The following MEX3D variants were observed in gnomAD, a reference collection of about 807,000 sequenced individuals.
MEX3D encodes the protein mex-3 RNA binding family member D, also known as RNA-binding protein MEX3D.
A neutral mutation model predicts 6.3 loss-of-function variants in MEX3D; 4 were observed. The ratio of observed to expected loss-of-function variants is 0.64; its 90% CI spans 0.31 to 1.46. The LOEUF is 1.46. Among genes scored for constraint, MEX3D ranks in the 40% most tolerant of loss-of-function variants. The probability of loss-of-function intolerance (pLI) is 0.07; values close to 1 mark genes in which losing one functional copy is unlikely to be tolerated. For synonymous variants in MEX3D, 626 were observed against 494.1 expected, an observed-to-expected ratio of 1.27 and a Z score of -3.54; for missense variants, 1,038 against 994.4, an observed-to-expected ratio of 1.04 and a Z score of -0.59.
rs60636488 is a variant in MEX3D, at chr19:1,554,913, T to TA, written c.*649dup. ...ATACACAAGAGGTAAAAAGTAAAAG[T>TA]AAAAAAAAAAAAAAATTAAAAAAAT... On this transcript the variant is annotated 3_prime_UTR_variant, in exon 2 of 2. Coordinates refer to ENST00000402693, the MANE Select transcript of MEX3D (RefSeq NM_203304.4). 0.96 allele frequency: 135,912 copies of TA among 141,078 alleles called. 65,471 individuals carry two copies. The highest frequency in any genetic ancestry group is 0.99 in the South Asian group (4,454 of 4,494). The allele number at this position is 141,078 out of a possible 1,614,324, so 8.7% of individuals were successfully genotyped here.
At position 1,556,846 on chromosome 19, in the gene MEX3D, T is replaced by G. The variant is rs1044287883; in HGVS notation, c.673A>C (p.Ile225Leu). The change falls in exon 2 of 2, where the codon ATC becomes CTC. Residue 225 changes from isoleucine (I) to leucine (L), a missense_variant. By Grantham distance (5) the Ile-to-Leu change is conservative (BLOSUM62 2). Transcript: ENST00000402693. The surrounding 1 kb of genome is among the most constrained non-coding windows in gnomAD (Gnocchi z 7.5). ...TPVRGEEPVF[I>L]VTGRKEDVEM... Reference sequence around the variant, plus strand: ...ACGTCCTCCTTCCGGCCGGTCACGATGAAGACCGGCTCCTCGCCCCGCACT... The same window carrying G: ...ACGTCCTCCTTCCGGCCGGTCACGAGGAAGACCGGCTCCTCGCCCCGCACT... The G allele has an allele frequency of 1.2e-6, 2 of 1,612,474 alleles. No homozygotes were observed. The highest frequency in any genetic ancestry group is 1.3e-5 in the African/African-American group (1 of 74,938).
At chr19:1,566,947 T>G (rs1459990806) in intron 1 of MEX3D, among the ~76,000 whole-genome samples, 1 of 152,108 alleles carries the variant, frequency 6.6e-6, no homozygotes, top group Non-Finnish European at 1.5e-5. Flanking sequence ...GACCCTCTCC[T>G]GCCCGGTCCC....
Position 1,555,435 on chromosome 19 carries a change from A to ACCCCCCCTGCCCCCAC in MEX3D, c.*127_*128insGTGGGGGCAGGGGGGG. ...CATCTGTAAACACTGGCCGCCGCCC[A>ACCCCCCCTGCCCCCAC]CCCCCCTGCCCCCTCGGCCTCCGCC... is the stretch of plus-strand genomic sequence containing the variant. On this transcript the variant is annotated 3_prime_UTR_variant, in exon 2 of 2. Coordinates refer to ENST00000402693, the MANE Select transcript of MEX3D (RefSeq NM_203304.4). 1.0e-6 allele frequency: 1 copy of ACCCCCCCTGCCCCCAC among 973,232 alleles called. No homozygotes were observed. Among genetic ancestry groups the ACCCCCCCTGCCCCCAC allele is most frequent in the Non-Finnish European group, 1.4e-6 (1 of 691,110 alleles). The allele number at this position is 973,232 out of a possible 1,614,324, so 60.3% of individuals were successfully genotyped here.
Position 1,568,103 on chromosome 19 carries a change from C to T in MEX3D, c.-45G>A, listed in dbSNP as rs1914903223. ...GCCCGCGCTCCTGCCGCCCGCGCCG[C>T]CGCCGCCGCCCGCGCCGCCCTCCGC... On this transcript the variant is annotated 5_prime_UTR_variant, in exon 1 of 2. Coordinates refer to ENST00000402693, the MANE Select transcript of MEX3D (RefSeq NM_203304.4). 5.1e-6 allele frequency: 5 copies of T among 978,636 alleles called. No individual in the cohort carries two copies. Among genetic ancestry groups the T allele is most frequent in the African/African-American group, 1.8e-5 (1 of 55,870 alleles). The allele number at this position is 978,636 out of a possible 1,614,324, so 60.6% of individuals were successfully genotyped here. A position where few individuals can be genotyped will look rare whatever the true frequency, so the allele number is the denominator to read the frequency against.
chr19:1,560,713 C>T (rs1404336089), intron 1 of MEX3D, among the ~76,000 whole-genome samples: 2 of 152,194 alleles, frequency 1.3e-5, no homozygotes, highest in African/African-American at 4.8e-5. Context: ...CTTACTCCAT[C>T]CTGCCCTAAC....
rs1253303598 is a variant in MEX3D, at chr19:1,568,197, G to GGGC, written c.-142_-140dup. 2,441 of 503,470 alleles carry GGGC rather than the reference G, an allele frequency of 4.8e-3. 77 individuals are homozygous for GGGC. In the African/African-American group the frequency reaches 0.051, roughly 11 times the overall value. The allele number at this position is 503,470 out of a possible 1,614,324, so 31.2% of individuals were successfully genotyped here. A position where few individuals can be genotyped will look rare whatever the true frequency, so the allele number is the denominator to read the frequency against. On this transcript the variant is annotated 5_prime_UTR_variant, in exon 1 of 2. Transcript: ENST00000402693. Reference sequence around the variant, plus strand: ...GCGGGCACGGGGGGCCGGGCGGGCGGGGCGGCGGCGGCGCGGGGCTGCTCG... The same window carrying GGGC: ...GCGGGCACGGGGGGCCGGGCGGGCGGGGCGGCGGCGGCGGCGCGGGGCTGCTCG...
intron 1 of MEX3D, among the ~76,000 whole-genome samples, chr19:1,562,446 A>C (rs2145574888): frequency 6.6e-6 from 1 of 150,694 alleles, no homozygotes; most frequent in African/African-American, 2.4e-5. Flanking sequence ...AATCGCTTGA[A>C]CCCGGGAGGC....
chr19:1,560,234 G>C (rs1421487162), intron 1 of MEX3D, among the ~76,000 whole-genome samples: 1 of 152,244 alleles, frequency 6.6e-6, no homozygotes, highest in African/African-American at 2.4e-5. Context: ...CACCCTGGCA[G>C]GTCTCACTGC....
At chr19:1,562,844 G>A (rs1170045029) in intron 1 of MEX3D, among the ~76,000 whole-genome samples, 9 of 151,566 alleles carry the variant, frequency 5.9e-5, no homozygotes, top group Non-Finnish European at 1.0e-4. Context: ...GCGAAACCCC[G>A]TCTCTACTAA....
chr19:1,556,940 G>T lies in MEX3D; in HGVS notation c.596-17C>A, dbSNP rs1002125403. 1.3e-6 allele frequency: 2 copies of T among 1,579,536 alleles called. No individual in the cohort carries two copies. Among genetic ancestry groups the T allele is most frequent in the Non-Finnish European group, 8.6e-7 (1 of 1,166,396 alleles). ...TCTTGCAGCCTGTCCGGGAGGGAGG[G>T]GAAGGACAAGGTGACCCAGAGCCCC... On this transcript the variant is annotated splice_polypyrimidine_tract_variant and intron_variant, in intron 1 of 1. Coordinates refer to ENST00000402693, the MANE Select transcript of MEX3D (RefSeq NM_203304.4). The surrounding 1 kb of genome is among the most constrained non-coding windows in gnomAD (Gnocchi z 7.5).
At position 1,555,315 on chromosome 19, in the gene MEX3D, A is replaced by T; in HGVS notation, c.*248T>A. 3 of 1,595,448 alleles carry T rather than the reference A, an allele frequency of 1.9e-6. No individual in the cohort carries two copies. The highest frequency in any genetic ancestry group is 2.6e-6 in the Non-Finnish European group (3 of 1,169,378). ...CAAGCGGACCTTTTCTCTCCGGTTTATTGTAACCTGACCACTCAATACTGT... is the reference window on the plus strand; with the variant it reads ...CAAGCGGACCTTTTCTCTCCGGTTTTTTGTAACCTGACCACTCAATACTGT... On this transcript the variant is annotated 3_prime_UTR_variant, in exon 2 of 2. Transcript: ENST00000402693.
Position 1,555,349 on chromosome 19 carries a change from G to A in MEX3D, c.*214C>T. The A allele has an allele frequency of 1.2e-6, 2 of 1,602,018 alleles. No individual in the cohort carries two copies. The highest frequency in any genetic ancestry group is 1.7e-5 in the Admixed American group (1 of 59,676). On this transcript the variant is annotated 3_prime_UTR_variant, in exon 2 of 2. Transcript: ENST00000402693. ...TGACCACTCAATACTGTCGTTGAAG[G>A]GCTGAGGCGCCGCCGGGCTGCGGGG...
intron 1 of MEX3D, among the ~76,000 whole-genome samples, chr19:1,558,529 T>G (rs1406540194): frequency 6.6e-6 from 1 of 152,060 alleles, no homozygotes; most frequent in Non-Finnish European, 1.5e-5. Flanking sequence ...CTTGGAACTT[T>G]TATCTTACAG....
intron 1 of MEX3D, among the ~76,000 whole-genome samples, chr19:1,558,336 G>A: frequency 6.6e-6 from 1 of 151,098 alleles, no homozygotes; most frequent in East Asian, 1.9e-4. Context: ...CTGCACTTCA[G>A]CCTGGGTGAC....
Position 1,555,204 on chromosome 19 carries a change from TG to T in MEX3D, c.*358del. The T allele has an allele frequency of 1.0e-6, 1 of 978,832 alleles. No homozygotes were observed. The highest frequency in any genetic ancestry group is 1.4e-6 in the Non-Finnish European group (1 of 723,296). 60.6% of individuals were successfully genotyped at this position (978,832 alleles called of 1,614,324 possible). A position where few individuals can be genotyped will look rare whatever the true frequency, so the allele number is the denominator to read the frequency against. ...GACGAAAGGAAAAAACGCTGAGCGC[TG>T]GAAAAGTCGTGTTTTTTGTTTTGCT... On this transcript the variant is annotated 3_prime_UTR_variant, in exon 2 of 2. Coordinates refer to ENST00000402693, the MANE Select transcript of MEX3D (RefSeq NM_203304.4).
Position 1,567,871 on chromosome 19 carries a change from A to T in MEX3D, c.188T>A (p.Leu63Gln). The change falls in exon 1 of 2, where the codon CTG (leucine) becomes CAG (glutamine). Residue 63 changes from leucine to glutamine, a missense_variant. Coordinates refer to ENST00000402693, the MANE Select transcript of MEX3D (RefSeq NM_203304.4). The surrounding 1 kb of genome is among the most constrained non-coding windows in gnomAD (Gnocchi z 6.5). ...DDAAAALRLA[L>Q]DQLSALGLGG... ...CAGCCCGAGCGCCGACAGCTGGTCC[A>T]GCGCCAGGCGGAGCGCGGCGGCCGC... The T allele has an allele frequency of 1.0e-6, 1 of 981,466 alleles. No homozygotes were observed. The highest frequency in any genetic ancestry group is 1.2e-6 in the Non-Finnish European group (1 of 830,760). The allele number at this position is 981,466 out of a possible 1,614,324, so 60.8% of individuals were successfully genotyped here. A position where few individuals can be genotyped will look rare whatever the true frequency, so the allele number is the denominator to read the frequency against.
chr19:1,564,865 G>A (rs187898717), intron 1 of MEX3D, among the ~76,000 whole-genome samples: 1 of 152,264 alleles, frequency 6.6e-6, no homozygotes, highest in East Asian at 1.9e-4. Context: ...AAAGGGGCAG[G>A]GCCGGGGCAC....
At chr19:1,561,282 T>C (rs561405380) in intron 1 of MEX3D, among the ~76,000 whole-genome samples, 1 of 152,156 alleles carries the variant, frequency 6.6e-6, no homozygotes, top group African/African-American at 2.4e-5. Flanking sequence ...CTGGATGGGT[T>C]TGCCATGGCA....
intron 1 of MEX3D, among the ~76,000 whole-genome samples, chr19:1,558,994 C>A (rs1002851353): frequency 4.9e-5 from 7 of 144,222 alleles, no homozygotes; most frequent in Non-Finnish European, 7.6e-5. Flanking sequence ...TTTTTTTTTT[C>A]TTTTCCTTTT....
Sources: gnomAD v4.1 joint callset for allele counts (sites outside exome capture counted in the v4.1 genomes callset) on GRCh38, gnomAD v4.1.1 for gene constraint, Gnocchi (gnomAD v3.1) non-coding constraint, MANE v1.5 for transcripts, NCBI Gene and HGNC (gene_info 2026-07-23, HGNC 2026-07-21) for gene names.